Variants in ERC1 observed in about 807,000 individuals in gnomAD.
The protein encoded by ERC1 is ELKS/RAB6-interacting/CAST family member 1.
ERC1 carries 56 observed loss-of-function variants against 132.0 expected under a neutral mutation model. The ratio of observed to expected loss-of-function variants is 0.42; its 90% confidence interval spans 0.34 to 0.53. The LOEUF (loss-of-function observed/expected upper bound fraction) is 0.53, where lower values mean the gene tolerates loss of function less well. Among genes scored for constraint, ERC1 ranks in the 20% least tolerant of loss-of-function variants. The pLI, the probability that ERC1 is intolerant of heterozygous loss-of-function variation, is 0.03. For missense variants in ERC1, 1,202 were observed against 1,349.9 expected (o/e 0.89, Z 1.72); for synonymous variants, 478 against 476.1 (o/e 1.00, Z -0.05).
chr12:1,176,132 T>C (rs1006970328), intron 8 of ERC1, among the ~76,000 whole-genome samples: 3 of 152,212 alleles, frequency 2.0e-5, no homozygotes, highest in Non-Finnish European at 4.4e-5. Flanking sequence ...TCACCAACTA[T>C]GGCCTTACAA....
intron 18 of ERC1, among the ~76,000 whole-genome samples, chr12:1,478,073 AC>A (rs1222623406): frequency 1.3e-5 from 2 of 152,166 alleles, no homozygotes; most frequent in Non-Finnish European, 2.9e-5. Flanking sequence ...ATTTACATGT[AC>A]CTACAAGTCC....
At chr12:1,004,401 C>CTTTTTTTTTT (rs71055118) in intron 1 of ERC1, among the ~76,000 whole-genome samples, 6 of 95,030 alleles carry the variant, frequency 6.3e-5, no homozygotes, top group Non-Finnish European at 1.2e-4. Flanking sequence ...TTTTCTTTCT[C>CTTTTTTTTTT]TTTTTTTTTT....
chr12:1,164,271 G>T lies in ERC1; in HGVS notation c.1738-16269G>T, dbSNP rs906662953. Among the ~76,000 whole-genome samples the T allele has an allele frequency of 8.4e-3, 610 of 72,738 alleles. 5 individuals carry two copies. The highest frequency in any genetic ancestry group is 0.04 in the African/African-American group (582 of 14,460). The allele number at this position is 72,738 out of a possible 152,430, so 47.7% of individuals were successfully genotyped here. ...ATTTTATTTTATTTTATTTTATGTTGTTATTTTATGTTATTTTATTTTGTT... is the reference window on the plus strand; with the variant it reads ...ATTTTATTTTATTTTATTTTATGTTTTTATTTTATGTTATTTTATTTTGTT... On this transcript the variant is annotated intron_variant, in intron 8 of 18. Transcript: ENST00000360905.
At chr12:1,053,377 C>T (rs989718645) in intron 2 of ERC1, among the ~76,000 whole-genome samples, 1 of 152,148 alleles carries the variant, frequency 6.6e-6, no homozygotes, top group African/African-American at 2.4e-5. Flanking sequence ...GATCACCCCA[C>T]CCCAGCCAGG....
At chr12:1,152,525 T>C (rs1173969180) in intron 8 of ERC1, 6 of 152,988 alleles carry the variant, frequency 3.9e-5, no homozygotes, top group Non-Finnish European at 7.3e-5. Context: ...CTGGATGTTC[T>C]TGTTGGGCAA....
chr12:1,138,790 C>T (rs959291690), intron 7 of ERC1, among the ~76,000 whole-genome samples: 2 of 152,090 alleles, frequency 1.3e-5, no homozygotes, highest in Non-Finnish European at 2.9e-5. Context: ...ACATTGGGAC[C>T]GTCTGACCAT....
intron 8 of ERC1, among the ~76,000 whole-genome samples, chr12:1,145,197 A>G (rs750098492): frequency 2.6e-5 from 4 of 151,968 alleles, no homozygotes; most frequent in Non-Finnish European, 4.4e-5. Flanking sequence ...TTGCATTTTT[A>G]GTCGAGACGG....
At chr12:1,371,789 T>G (rs1387957998) in intron 15 of ERC1, 44 bp from the exon 16 acceptor site, 1 of 1,592,998 alleles carries the variant, frequency 6.3e-7, no homozygotes, top group Admixed American at 1.8e-5. Flanking sequence ...AAAGAATTGT[T>G]GGAAGGGGTG....
chr12:1,410,075 T>C (rs1489989701), intron 17 of ERC1, among the ~76,000 whole-genome samples: 1 of 152,174 alleles, frequency 6.6e-6, no homozygotes, highest in African/African-American at 2.4e-5. Flanking sequence ...ACTGTGTAAA[T>C]AGTTGTTATA....
chr12:1,151,919 C>A (rs1336836832), intron 8 of ERC1: 1 of 152,278 alleles, frequency 6.6e-6, no homozygotes, highest in East Asian at 1.9e-4. Context: ...CTCAGCAAGG[C>A]TGGGCGCGGT....
chr12:1,172,144 G>A (rs1193683130), intron 8 of ERC1, among the ~76,000 whole-genome samples: 2 of 152,186 alleles, frequency 1.3e-5, no homozygotes, highest in South Asian at 4.1e-4. Flanking sequence ...AAGGAATAAC[G>A]TCGTCTTTCT....
At chr12:1,181,353 A>G (rs1954439706) in intron 9 of ERC1, among the ~76,000 whole-genome samples, 1 of 152,186 alleles carries the variant, frequency 6.6e-6, no homozygotes, top group African/African-American at 2.4e-5. Flanking sequence ...GCTTTTAGTT[A>G]CCTGGAAATT....
chr12:1,003,224 A>G (rs1962815371), intron 1 of ERC1, among the ~76,000 whole-genome samples: 1 of 151,436 alleles, frequency 6.6e-6, no homozygotes, highest in African/African-American at 2.4e-5. Flanking sequence ...GGAATCTTTG[A>G]CTAATTCAAT....
In ERC1 at chr12:1,181,999, CA is replaced by C. The variant is rs1566169286; in HGVS notation, c.1956del (p.Asp653IlefsTer5). On this transcript the variant is annotated frameshift_variant, in exon 10 of 19. Transcript: ENST00000360905. LOFTEE classifies it high-confidence loss of function. ...REKQEEIDNY[K>X]KDLKDLKEKV... ...AGAAGCAAGAGGAAATTGATAACTA[CA>C]AAAAAGATCTTAAAGACTTGAAGGA... 1 of 1,613,900 alleles carries C rather than the reference CA, an allele frequency of 6.2e-7. No individual in the cohort carries two copies. The highest frequency in any genetic ancestry group is 8.5e-7 in the Non-Finnish European group (1 of 1,179,918).
intron 7 of ERC1, among the ~76,000 whole-genome samples, chr12:1,123,512 C>T (rs891121440): frequency 6.6e-6 from 1 of 151,988 alleles, no homozygotes; most frequent in Non-Finnish European, 1.5e-5. Context: ...GTTAAAAATA[C>T]AGAGATAGAA....
chr12:1,024,793 C>A (rs1592761967), intron 1 of ERC1, among the ~76,000 whole-genome samples: 1 of 133,738 alleles, frequency 7.5e-6, no homozygotes, highest in African/African-American at 2.9e-5. Context: ...CACCTGTGGA[C>A]CAAAAATATT....
intron 12 of ERC1, among the ~76,000 whole-genome samples, chr12:1,222,973 G>A (rs2074289437): frequency 1.3e-5 from 2 of 152,152 alleles, no homozygotes; most frequent in Admixed American, 6.5e-5. Flanking sequence ...CAAACAAACT[G>A]TATTTTCCCT....
intron 8 of ERC1, among the ~76,000 whole-genome samples, chr12:1,144,636 G>GTATATATA (rs1353092300): frequency 1.5e-5 from 2 of 137,708 alleles, no homozygotes; most frequent in African/African-American, 6.3e-5. Context: ...ATATATATAC[G>GTATATATA]TGTATATATA....
intron 4 of ERC1, 99 bp from the exon 5 acceptor site, chr12:1,110,093 G>A (rs964099378): frequency 5.8e-6 from 6 of 1,038,156 alleles, no homozygotes; most frequent in Non-Finnish European, 8.2e-6. Context: ...CTGTATATTT[G>A]TCTATCTTTA....
Sources: gnomAD v4.1 joint callset for allele counts (sites outside exome capture counted in the v4.1 genomes callset) on GRCh38, gnomAD v4.1.1 for gene constraint, MANE v1.5 for transcripts, NCBI Gene and HGNC (gene_info 2026-07-23, HGNC 2026-07-21) for gene names.